Variants in HIP1 observed in about 807,000 individuals in gnomAD.
HIP1 encodes huntingtin interacting protein 1.
A neutral mutation model predicts 147.6 loss-of-function variants in HIP1; 65 were observed. The ratio of observed to expected loss-of-function variants is 0.44; its 90% CI spans 0.36 to 0.54. The LOEUF (loss-of-function observed/expected upper bound fraction) is 0.54. Among genes scored for constraint, HIP1 ranks in the 20% least tolerant of loss-of-function variants. The probability of loss-of-function intolerance (pLI) is 0.00; values close to 1 mark genes in which losing one functional copy is unlikely to be tolerated. For synonymous variants in HIP1, 479 were observed against 504.0 expected (o/e 0.95, Z 0.67); for missense variants, 1,061 against 1,299.6 (o/e 0.82, Z 2.82).
chr7:75,719,804 T>C (rs1189754474), intron 1 of HIP1, among the ~76,000 whole-genome samples: 1 of 152,150 alleles, frequency 6.6e-6, no homozygotes, highest in East Asian at 1.9e-4. Context: ...GTCTGCCTGA[T>C]ACCCATAGCA....
At chr7:75,652,960 C>T (rs372164801) in intron 1 of HIP1, among the ~76,000 whole-genome samples, 6 of 152,270 alleles carry the variant, frequency 3.9e-5, no homozygotes, top group Middle Eastern at 6.8e-3. Flanking sequence ...ACAGGAGGTG[C>T]TCCTGAGGTC....
chr7:75,550,505 G>T (rs1794742284), intron 22 of HIP1, among the ~76,000 whole-genome samples: 1 of 152,056 alleles, frequency 6.6e-6, no homozygotes, highest in Non-Finnish European at 1.5e-5. Flanking sequence ...TCCCACTCCT[G>T]GGCTCAAGTG....
At chr7:75,713,805 A>G (rs1479537323) in intron 1 of HIP1, among the ~76,000 whole-genome samples, 1 of 150,772 alleles carries the variant, frequency 6.6e-6, no homozygotes, top group Non-Finnish European at 1.5e-5. Flanking sequence ...GGTTCAAGCA[A>G]TGCTCCTGCC....
At chr7:75,575,637 C>T (rs1343641296) in intron 7 of HIP1, among the ~76,000 whole-genome samples, 8 of 152,128 alleles carry the variant, frequency 5.3e-5, no homozygotes, top group Admixed American at 1.3e-4. Context: ...CAATTTCTCA[C>T]GCTGGGGCTC....
chr7:75,639,562 CGTGTGT>C lies in HIP1; in HGVS notation c.121-40321_121-40316del, dbSNP rs57827695. ...GAGAGGCCGCCGGCCCGCCAGGAAG[CGTGTGT>C]GTGTGTGTGTGTGTGTGTGTGTGTG... is the stretch of plus-strand genomic sequence containing the variant. On this transcript the variant is annotated intron_variant, in intron 1 of 30. Transcript: ENST00000336926. 1.6e-4 allele frequency among the ~76,000 whole-genome samples: 22 copies of C among 137,466 alleles called. 1 individual carries two copies. The South Asian group carries it at 3.0e-3, about 19-fold the overall frequency. The allele number at this position is 137,466 out of a possible 152,430, so 90.2% of individuals were successfully genotyped here.
chr7:75,633,537 C>A (rs905367916), intron 1 of HIP1, among the ~76,000 whole-genome samples: 2 of 152,140 alleles, frequency 1.3e-5, no homozygotes, highest in Non-Finnish European at 2.9e-5. Flanking sequence ...GTTGATCCTC[C>A]CGCCTTGGCC....
Position 75,609,398 on chromosome 7 carries a change from C to T in HIP1, c.121-10151G>A, listed in dbSNP as rs143113359. ...GTCAGATACTGAGGGGTTTCCAGGG[C>T]AGAAGTTCCCTGCGAGGACCAGTTT... On this transcript the variant is annotated intron_variant, in intron 1 of 30. Coordinates refer to ENST00000336926, the MANE Select transcript of HIP1 (RefSeq NM_005338.7). 2.9e-3 allele frequency among the ~76,000 whole-genome samples: 444 copies of T among 152,238 alleles called. 1 individual carries two copies. The highest frequency in any genetic ancestry group is 0.01 in the African/African-American group (419 of 41,546).
At position 75,600,774 on chromosome 7, in the gene HIP1, G is replaced by A. The variant is rs587595988; in HGVS notation, c.121-1527C>T. Among the ~76,000 whole-genome samples the A allele has an allele frequency of 1.1e-4, 17 of 151,920 alleles. No individual in the cohort carries two copies. The East Asian group carries it at 1.4e-3, about 12-fold the overall frequency. On this transcript the variant is annotated intron_variant, in intron 1 of 30. Coordinates refer to ENST00000336926, the MANE Select transcript of HIP1 (RefSeq NM_005338.7). The stretch of plus-strand genomic sequence containing the variant: ...TTTATTATTATTATTATTATTTTTC[G>A]TCCTGAGACAGGGTCTTTTTCTGTC...
rs1796882835 is a variant in HIP1 at position 75,599,283 on chromosome 7, A to C, written c.121-36T>G. 5 of 1,512,966 alleles carry C rather than the reference A, an allele frequency of 3.3e-6. No individual in the cohort carries two copies. The East Asian group carries it at 1.1e-4, about 34-fold the overall frequency. 93.7% of individuals were successfully genotyped at this position (1,512,966 alleles called of 1,614,324 possible). On this transcript the variant is annotated intron_variant, in intron 1 of 30. Transcript: ENST00000336926. Reference sequence around the variant, plus strand: ...AGAAGGGGGGAGGGAAAGGAGGATGAGATGAATAAGCCTCTGAGAGTGGCT... The same window carrying C: ...AGAAGGGGGGAGGGAAAGGAGGATGCGATGAATAAGCCTCTGAGAGTGGCT...
chr7:75,614,797 G>A (rs189221469), intron 1 of HIP1, among the ~76,000 whole-genome samples: 39 of 151,512 alleles, frequency 2.6e-4, no homozygotes, highest in Admixed American at 7.9e-4. Flanking sequence ...TTTCTGAGAC[G>A]GAGTCTCACT....
In HIP1 at chr7:75,533,566, T is replaced by C. The variant is rs1418687892; in HGVS notation, c.*4606A>G. On this transcript the variant is annotated 3_prime_UTR_variant, in exon 31 of 31. Coordinates refer to ENST00000336926, the MANE Select transcript of HIP1 (RefSeq NM_005338.7). ...AAATGTGAAAGAGTCTGTTATAAGT[T>C]TGAGACAACTGCATTATCACCAAGA... 20 of 232,094 alleles carry C rather than the reference T, an allele frequency of 8.6e-5. No individual in the cohort carries two copies. Among genetic ancestry groups the C allele is most frequent in the Non-Finnish European group, 1.3e-4 (15 of 117,438 alleles). The allele number at this position is 232,094 out of a possible 1,614,324, so 14.4% of individuals were successfully genotyped here. A position where few individuals can be genotyped will look rare whatever the true frequency, so the allele number is the denominator to read the frequency against.
chr7:75,717,902 G>A (rs1484777223), intron 1 of HIP1, among the ~76,000 whole-genome samples: 1 of 151,668 alleles, frequency 6.6e-6, no homozygotes, highest in African/African-American at 2.4e-5. Context: ...ACCCAGAGGT[G>A]GAAGCTGCAG....
chr7:75,704,088 A>G (rs1401161281), intron 1 of HIP1, among the ~76,000 whole-genome samples: 4 of 152,196 alleles, frequency 2.6e-5, no homozygotes, highest in Non-Finnish European at 2.9e-5. Context: ...AATTGTCCCA[A>G]GAAATACCTC....
intron 1 of HIP1, among the ~76,000 whole-genome samples, chr7:75,628,558 A>C (rs989545772): frequency 4.2e-5 from 6 of 144,332 alleles, no homozygotes; most frequent in African/African-American, 1.6e-4. Context: ...GGCTCACTCC[A>C]ACCTCTGCCT....
In HIP1 at chr7:75,545,164, A is replaced by G. The variant is rs1554490763; in HGVS notation, c.2584T>C (p.Tyr862His). The change falls in exon 26 of 31, where the codon TAT becomes CAT. Residue 862 changes from tyrosine to histidine, a missense_variant. Physicochemically the swap from Tyr to His is moderately conservative, Grantham distance 83 (BLOSUM62 2). This residue lies in a region of HIP1 where 810 missense variants were observed against 946.8 expected (regional missense o/e 0.86). Transcript: ENST00000336926. ...GRGTASPKEF[Y>H]AKNSRWTEGL... ...TCTGTCCATCGAGAGTTCTTGGCAT[A>G]AAACTCTTTAGGGGATGCTGTACCC... 6.2e-7 allele frequency: 1 copy of G among 1,611,144 alleles called. No homozygotes were observed. The highest frequency in any genetic ancestry group is 1.3e-5 in the African/African-American group (1 of 74,856).
intron 1 of HIP1, among the ~76,000 whole-genome samples, chr7:75,656,193 TA>T (rs1245286340): frequency 3.3e-5 from 5 of 151,922 alleles, no homozygotes; most frequent in Admixed American, 2.6e-4. Context: ...CATTTTTTTT[TA>T]AAAGCACAAA....
chr7:75,695,731 C>T (rs1178715862), intron 1 of HIP1, among the ~76,000 whole-genome samples: 2 of 152,062 alleles, frequency 1.3e-5, no homozygotes, highest in Non-Finnish European at 1.5e-5. Flanking sequence ...TGCACCACCA[C>T]ACCCAGCTAA....
At chr7:75,678,485 A>C (rs1305416284) in intron 1 of HIP1, among the ~76,000 whole-genome samples, 2 of 151,814 alleles carry the variant, frequency 1.3e-5, no homozygotes, top group Non-Finnish European at 2.9e-5. Flanking sequence ...CTGGGATTAC[A>C]GGCGCCCGCC....
chr7:75,710,268 C>T (rs1289367150), intron 1 of HIP1, among the ~76,000 whole-genome samples: 1 of 152,124 alleles, frequency 6.6e-6, no homozygotes, highest in Non-Finnish European at 1.5e-5. Context: ...TTGAGATGAT[C>T]ATGTGGGTTT....
Sources: gnomAD v4.1 joint callset for allele counts (sites outside exome capture counted in the v4.1 genomes callset) on GRCh38, gnomAD v4.1.1 for gene constraint, gnomAD v4.1.1 regional missense constraint, MANE v1.5 for transcripts, NCBI Gene and HGNC (gene_info 2026-07-23, HGNC 2026-07-21) for gene names.